The following GLT1D1 variants were observed in gnomAD, a reference collection of about 807,000 sequenced individuals.
The protein encoded by GLT1D1 is glycosyltransferase 1 domain containing 1.
In GLT1D1, 21 loss-of-function variants were observed where a neutral mutation model predicts 28.7. That is an observed-to-expected ratio of 0.73 (90% CI 0.52 to 1.05). GLT1D1 has a LOEUF of 1.05. GLT1D1 is among the 50% of genes least tolerant of loss of function. GLT1D1 has a pLI of 0.00. For synonymous variants in GLT1D1, 147 were observed against 124.8 expected (o/e 1.18, Z -1.19); for missense variants, 343 against 330.6 (o/e 1.04, Z -0.29).
rs553044868 is a variant in GLT1D1, at chr12:128,898,406, G to A, written c.324-830G>A. On this transcript the variant is annotated intron_variant, in intron 3 of 7. Coordinates refer to ENST00000281703, the MANE Select transcript of GLT1D1 (RefSeq NM_144669.3). ...TGCCCAGGCTGGTCTTGAATGCCTG[G>A]GCTCAAGTGATCTTCCTGCCTCAGC... is the stretch of plus-strand genomic sequence containing the variant. Among the ~76,000 whole-genome samples, 25 of 152,078 alleles carry A rather than the reference G, an allele frequency of 1.6e-4. No homozygotes were observed. In the East Asian group the frequency reaches 3.1e-3, roughly 19 times the overall value.
intron 1 of GLT1D1, among the ~76,000 whole-genome samples, chr12:128,868,114 G>A (rs976659611): frequency 1.3e-5 from 2 of 152,226 alleles, no homozygotes; most frequent in Non-Finnish European, 2.9e-5. Context: ...TCCTCAGGGT[G>A]GTTTTCCAGC....
At chr12:128,917,429 C>G (rs2135896546) in intron 4 of GLT1D1, among the ~76,000 whole-genome samples, 1 of 152,272 alleles carries the variant, frequency 6.6e-6, no homozygotes, top group African/African-American at 2.4e-5. Flanking sequence ...GCACGCCCCA[C>G]CACACCTGGC....
In GLT1D1 at chr12:128,983,209, C is replaced by T. The variant is rs1880504950; in HGVS notation, c.*119C>T. The T allele has an allele frequency of 2.2e-6, 2 of 902,564 alleles. No individual in the cohort carries two copies. The highest frequency in any genetic ancestry group is 3.2e-5 in the South Asian group (2 of 62,792). The allele number at this position is 902,564 out of a possible 1,614,324, so 55.9% of individuals were successfully genotyped here. ...CAAATAAAACCAGCCTCAGCGGAATCCTAGAAAATGTTAGTCGTGAGTCCC... is the reference window on the plus strand; with the variant it reads ...CAAATAAAACCAGCCTCAGCGGAATTCTAGAAAATGTTAGTCGTGAGTCCC... On this transcript the variant is annotated 3_prime_UTR_variant, in exon 8 of 8. Coordinates refer to ENST00000281703, the MANE Select transcript of GLT1D1 (RefSeq NM_144669.3). The surrounding 1 kb of genome is among the most constrained non-coding windows in gnomAD (Gnocchi z 4.7).
chr12:128,864,078 T>C (rs1386897746), intron 1 of GLT1D1: 1 of 612,292 alleles, frequency 1.6e-6, no homozygotes. Context: ...CTGTGTGCAC[T>C]GTGGGCAGGT....
intron 1 of GLT1D1, among the ~76,000 whole-genome samples, chr12:128,855,388 C>G (rs1316097846): frequency 6.6e-6 from 1 of 151,232 alleles, no homozygotes; most frequent in African/African-American, 2.4e-5. Context: ...ATGGTGAAAC[C>G]CTCATCTCTA....
At chr12:128,944,130 GAATCA>G (rs1875714693) in intron 4 of GLT1D1, 3 of 305,270 alleles carry the variant, frequency 9.8e-6, no homozygotes, top group Non-Finnish European at 1.9e-5. Flanking sequence ...TTAGTATCTA[GAATCA>G]AATCAGTAGA....
At chr12:128,942,731 C>CTTTTTTTTTT (rs1566157133) in intron 4 of GLT1D1, among the ~76,000 whole-genome samples, 2 of 114,488 alleles carry the variant, frequency 1.7e-5, no homozygotes, top group African/African-American at 7.8e-5. Flanking sequence ...TTCCAATTTT[C>CTTTTTTTTTT]TTTGTTTGTT....
At chr12:128,978,333 C>G (rs1347455411) in intron 7 of GLT1D1, among the ~76,000 whole-genome samples, 2 of 151,934 alleles carry the variant, frequency 1.3e-5, no homozygotes, top group South Asian at 2.1e-4. Flanking sequence ...ATAAGGTGCC[C>G]GGTGTCAGAT....
chr12:128,872,593 C>G (rs1201981247), intron 1 of GLT1D1, among the ~76,000 whole-genome samples: 1 of 152,128 alleles, frequency 6.6e-6, no homozygotes, highest in Non-Finnish European at 1.5e-5. Flanking sequence ...GCATTTATCC[C>G]AGAGACACGC....
chr12:128,923,784 T>C (rs189660120), intron 4 of GLT1D1, among the ~76,000 whole-genome samples: 1 of 152,004 alleles, frequency 6.6e-6, no homozygotes, highest in Non-Finnish European at 1.5e-5. Flanking sequence ...CCTCCCACAA[T>C]GTTGGGATTA....
At chr12:128,939,712 C>A (rs184538626) in intron 4 of GLT1D1, among the ~76,000 whole-genome samples, 1 of 152,148 alleles carries the variant, frequency 6.6e-6, no homozygotes, top group African/African-American at 2.4e-5. Context: ...GAAGTAGGCG[C>A]GTCTTACATG....
intron 6 of GLT1D1, among the ~76,000 whole-genome samples, chr12:128,957,308 C>T (rs904453641): frequency 1.3e-5 from 2 of 152,178 alleles, no homozygotes; most frequent in Non-Finnish European, 2.9e-5. Flanking sequence ...TTATGTCAGA[C>T]AAACGATTAC....
chr12:128,907,955 A>T (rs114188336), intron 4 of GLT1D1, among the ~76,000 whole-genome samples: 1,568 of 152,292 alleles, frequency 0.01, 30 homozygotes, highest in African/African-American at 0.036. Context: ...TTAATTGTTT[A>T]AAAAAACAAA....
intron 4 of GLT1D1, chr12:128,930,115 G>C (rs1873706326): frequency 6.6e-6 from 1 of 152,248 alleles, no homozygotes; most frequent in Admixed American, 6.5e-5. Context: ...CACACCTTAA[G>C]TGCTAGCATT....
At chr12:128,860,805 G>A (rs1225769733) in intron 1 of GLT1D1, among the ~76,000 whole-genome samples, 9 of 152,172 alleles carry the variant, frequency 5.9e-5, no homozygotes, top group Non-Finnish European at 1.3e-4. Context: ...GAGGTTGGAA[G>A]GAAGAGGTCA....
intron 4 of GLT1D1, among the ~76,000 whole-genome samples, chr12:128,916,070 A>G (rs896442030): frequency 6.6e-6 from 1 of 152,194 alleles, no homozygotes; most frequent in South Asian, 2.1e-4. Context: ...TTCTTATCTT[A>G]GATTAGTTTT....
chr12:128,972,141 G>A (rs539474384), intron 7 of GLT1D1, among the ~76,000 whole-genome samples: 2 of 152,038 alleles, frequency 1.3e-5, no homozygotes, highest in African/African-American at 4.8e-5. Flanking sequence ...AGACGACCAG[G>A]GTGCCAACAG....
At chr12:128,857,164 G>C (rs531390919) in intron 1 of GLT1D1, among the ~76,000 whole-genome samples, 2 of 152,248 alleles carry the variant, frequency 1.3e-5, no homozygotes, top group African/African-American at 4.8e-5. Flanking sequence ...CAACTCAGAG[G>C]TGAATTAATA....
intron 4 of GLT1D1, among the ~76,000 whole-genome samples, chr12:128,915,367 A>ATT (rs111881790): frequency 1.6e-3 from 232 of 143,782 alleles, no homozygotes; most frequent in Middle Eastern, 3.6e-3. Flanking sequence ...TATGCAACAC[A>ATT]TTTTTTTTTT....
Sources: allele counts gnomAD v4.1 joint callset (sites outside exome capture counted in the v4.1 genomes callset), GRCh38; gene constraint gnomAD v4.1.1; non-coding constraint Gnocchi (gnomAD v3.1); transcripts MANE v1.5; gene names NCBI Gene and HGNC (gene_info 2026-07-23, HGNC 2026-07-21).